LOXL1: variants seen among roughly 807,000 people sequenced by gnomAD.
LOXL1 encodes lysyl oxidase like 1.
Under a neutral mutation model 62.2 loss-of-function variants are expected in LOXL1, and 31 were observed. The ratio of observed to expected loss-of-function variants is 0.50; its 90% CI spans 0.37 to 0.67. The LOEUF (loss-of-function observed/expected upper bound fraction) is 0.67. LOXL1 is among the 30% of genes least tolerant of loss of function. The pLI, the probability that LOXL1 is intolerant of heterozygous loss-of-function variation, is 0.00. For missense variants in LOXL1, 775 were observed against 843.4 expected, an observed-to-expected ratio of 0.92 and a Z score of 1.00; for synonymous variants, 403 against 384.4, an observed-to-expected ratio of 1.05 and a Z score of -0.56.
At chr15:73,951,765 T>C in intron 6 of LOXL1, 66 bp from the exon 7 acceptor site, 1 of 1,438,422 alleles carries the variant, frequency 7.0e-7, no homozygotes, top group Non-Finnish European at 9.3e-7. Context: ...AGGGACGCCC[T>C]GGCTGAGGAG....
In LOXL1 at chr15:73,932,097, A is replaced by G. The variant is rs552595664; in HGVS notation, c.1102+4212A>G. On this transcript the variant is annotated intron_variant, in intron 1 of 6. Transcript: ENST00000261921. ...TCTCTGCATCACAGTGAGATGACCC[A>G]GGAGGATATCATGTTCAGCCTGCGG... is the stretch of plus-strand genomic sequence containing the variant. Among the ~76,000 whole-genome samples, 20 of 152,338 alleles carry G rather than the reference A, an allele frequency of 1.3e-4. No individual in the cohort carries two copies. In the East Asian group the frequency reaches 2.9e-3, roughly 22 times the overall value.
rs1234146576 is a variant in LOXL1 at position 73,927,498 on chromosome 15, G to A, written c.715G>A (p.Gly239Ser). The A allele has an allele frequency of 1.4e-6, 2 of 1,470,062 alleles. No homozygotes were observed. Among genetic ancestry groups the A allele is most frequent in the Admixed American group, 2.4e-5 (1 of 41,358 alleles). The allele number at this position is 1,470,062 out of a possible 1,614,324, so 91.1% of individuals were successfully genotyped here. A position where few individuals can be genotyped will look rare whatever the true frequency, so the allele number is the denominator to read the frequency against. ...CCGGGCGCGCTACGAGGAGTACGGC[G>A]GCGGCGAAGAGCTGCCCGAGTACCC... ...QPRARYEEYG[G>S]GEELPEYPPQ... The change falls in exon 1 of 7, where the codon GGC becomes AGC. Residue 239 changes from glycine to serine, a missense_variant. Transcript: ENST00000261921.
rs921053371 is a variant in LOXL1, at chr15:73,927,662, C to G, written c.879C>G (p.Pro293=). Residue 293 remains proline (P), a synonymous_variant, in exon 1 of 7, where the codon CCC becomes CCG. Coordinates refer to ENST00000261921, the MANE Select transcript of LOXL1 (RefSeq NM_005576.4). Reference sequence around the variant, plus strand: ...GCTTCGAGCAGGCCTACCCTGACCCCGGTCCCGAGGCGGCGCAGGCCCATG... The same window carrying G: ...GCTTCGAGCAGGCCTACCCTGACCCGGGTCCCGAGGCGGCGCAGGCCCATG... ...TPGFEQAYPD[P]GPEAAQAHGG... 1 of 1,487,348 alleles carries G rather than the reference C, an allele frequency of 6.7e-7. No individual in the cohort carries two copies. The highest frequency in any genetic ancestry group is 1.3e-5 in the South Asian group (1 of 79,046). The allele number at this position is 1,487,348 out of a possible 1,614,324, so 92.1% of individuals were successfully genotyped here.
chr15:73,940,146 C>CACT (rs2068703791), intron 1 of LOXL1, among the ~76,000 whole-genome samples: 1 of 146,294 alleles, frequency 6.8e-6, no homozygotes. Flanking sequence ...TAGATCAATA[C>CACT]AGATGGGGTG....
chr15:73,941,591 C>T (rs2068713912), intron 1 of LOXL1, among the ~76,000 whole-genome samples: 1 of 152,212 alleles, frequency 6.6e-6, no homozygotes, highest in African/African-American at 2.4e-5. Context: ...GAGCAGAGGA[C>T]TTCAAAGAAA....
chr15:73,941,899 GC>G, intron 1 of LOXL1: 1 of 211,632 alleles, frequency 4.7e-6, no homozygotes, highest in Non-Finnish European at 1.1e-5. Flanking sequence ...ACTCCTGCAT[GC>G]CCAGGGAGGA....
chr15:73,946,398 T>TCCCCCC lies in LOXL1; in HGVS notation c.1212-14_1212-13insCCCCCC. The TCCCCCC allele has an allele frequency of 7.3e-7, 1 of 1,360,914 alleles. No individual in the cohort carries two copies. The highest frequency in any genetic ancestry group is 1.7e-5 in the Admixed American group (1 of 57,176). 84.3% of individuals were successfully genotyped at this position (1,360,914 alleles called of 1,614,324 possible). On this transcript the variant is annotated intron_variant, in intron 2 of 6. Transcript: ENST00000261921. ...CACTGTGCCCCAACCCCCCCTCATC[T>TCCCCCC]CCCCCGCCGTCCCTGCAGCACAGCC...
chr15:73,942,821 C>G (rs1469022655), intron 1 of LOXL1, 33 bp from the exon 2 acceptor site: 1 of 1,328,460 alleles, frequency 7.5e-7, no homozygotes, highest in Non-Finnish European at 1.1e-6. Flanking sequence ...TGCTCTTCCT[C>G]CCTCCCCCCT....
chr15:73,941,165 C>G (rs758330453), intron 1 of LOXL1, among the ~76,000 whole-genome samples: 20 of 152,170 alleles, frequency 1.3e-4, no homozygotes, highest in Non-Finnish European at 2.4e-4. Context: ...GCCTATGGGT[C>G]CCTTGGGAAA....
rs768188092 is a variant in LOXL1, at chr15:73,949,547, T to C, written c.1691T>C (p.Val564Ala). 1 of 1,613,946 alleles carries C rather than the reference T, an allele frequency of 6.2e-7. No individual in the cohort carries two copies. The highest frequency in any genetic ancestry group is 8.5e-7 in the Non-Finnish European group (1 of 1,179,812). ...AACATTCACTACACAGGTCGCTACG[T>C]TTCTGCAACAAACTGCAAAATTGTC... is the stretch of plus-strand genomic sequence containing the variant. ...RCNIHYTGRY[V>A]SATNCKIVQS The change falls in exon 6 of 7, where the codon GTT (valine) becomes GCT (alanine). Residue 564 changes from valine to alanine, a missense_variant. Val to Ala is a moderately conservative substitution (Grantham distance 64). Transcript: ENST00000261921.
chr15:73,947,229 G>C lies in LOXL1; in HGVS notation c.1506+6G>C. The stretch of plus-strand genomic sequence containing the variant: ...CATGCACCTCTCATACCCAGGTTGG[G>C]CTGGAGAGATGGGGTTTGGGGCATG... On this transcript the variant is annotated splice_donor_region_variant and intron_variant, in intron 4 of 6. Transcript: ENST00000261921. 1 of 1,591,852 alleles carries C rather than the reference G, an allele frequency of 6.3e-7. No homozygotes were observed. The highest frequency in any genetic ancestry group is 2.3e-5 in the East Asian group (1 of 44,222).
Position 73,927,358 on chromosome 15 carries a change from AC to A in LOXL1, c.579del (p.Ala194ArgfsTer233), listed in dbSNP as rs1285282001. The part of the protein sequence containing the change: ...APFVSQYENY[D>X]PASRTYDQGF... ...TTCGTCAGCCAGTACGAGAACTACG[AC>A]CCCGCGTCGCGGACCTACGACCAGG... On this transcript the variant is annotated frameshift_variant, in exon 1 of 7. Coordinates refer to ENST00000261921, the MANE Select transcript of LOXL1 (RefSeq NM_005576.4). LOFTEE classifies it high-confidence loss of function. 1.9e-6 allele frequency: 3 copies of A among 1,587,416 alleles called. No homozygotes were observed. In the South Asian group the frequency reaches 3.4e-5, roughly 18 times the overall value.
intron 1 of LOXL1, among the ~76,000 whole-genome samples, chr15:73,940,103 A>T (rs1345770376): frequency 1.3e-5 from 2 of 152,204 alleles, no homozygotes; most frequent in African/African-American, 4.8e-5. Context: ...AGCGGAGGAG[A>T]CACACACAGG....
chr15:73,949,581 G>A lies in LOXL1; in HGVS notation c.1718+7G>A, dbSNP rs1230050894. On this transcript the variant is annotated splice_region_variant and intron_variant, in intron 6 of 6. Coordinates refer to ENST00000261921, the MANE Select transcript of LOXL1 (RefSeq NM_005576.4). ...CAAACTGCAAAATTGTCCAGTAAGA[G>A]TTTGCCCACCACCCTTCCTGGCTCC... is the stretch of plus-strand genomic sequence containing the variant. 1 of 1,594,638 alleles carries A rather than the reference G, an allele frequency of 6.3e-7. No individual in the cohort carries two copies. Among genetic ancestry groups the A allele is most frequent in the African/African-American group, 1.3e-5 (1 of 74,648 alleles).
chr15:73,938,335 G>T (rs1016431863), intron 1 of LOXL1, among the ~76,000 whole-genome samples: 1 of 131,314 alleles, frequency 7.6e-6, no homozygotes, highest in Admixed American at 7.9e-5. Context: ...AGATAGAACA[G>T]GAGGCCAGCT....
intron 1 of LOXL1, among the ~76,000 whole-genome samples, chr15:73,932,395 A>C (rs2068641036): frequency 6.6e-6 from 1 of 151,722 alleles, no homozygotes; most frequent in African/African-American, 2.4e-5. Flanking sequence ...CATGCATTTA[A>C]AAAAAAAATT....
At chr15:73,941,482 T>C (rs961269973) in intron 1 of LOXL1, among the ~76,000 whole-genome samples, 3 of 152,174 alleles carry the variant, frequency 2.0e-5, no homozygotes, top group African/African-American at 7.2e-5. Context: ...ACCTAAAAGC[T>C]GATGAGAGGG....
In LOXL1 at chr15:73,943,819, T is replaced by C. The variant is rs2068730913; in HGVS notation, c.1211+857T>C. ...TTGAACTCTCTGTTTAGTTTGACTT[T>C]TTACTATCTAGGAAACTCTTTAGAA... is the stretch of plus-strand genomic sequence containing the variant. On this transcript the variant is annotated intron_variant, in intron 2 of 6. Coordinates refer to ENST00000261921, the MANE Select transcript of LOXL1 (RefSeq NM_005576.4). 2.6e-5 allele frequency among the ~76,000 whole-genome samples: 4 copies of C among 152,222 alleles called. No individual in the cohort carries two copies. The South Asian group carries it at 6.2e-4, about 24-fold the overall frequency.
At chr15:73,944,928 C>T (rs563617361) in intron 2 of LOXL1, among the ~76,000 whole-genome samples, 4 of 152,296 alleles carry the variant, frequency 2.6e-5, no homozygotes, top group African/African-American at 4.8e-5. Flanking sequence ...CTAATCCCTA[C>T]GACTGGCCAC....
Sources: allele counts gnomAD v4.1 joint callset (sites outside exome capture counted in the v4.1 genomes callset), GRCh38; gene constraint gnomAD v4.1.1; transcripts MANE v1.5; gene names NCBI Gene and HGNC (gene_info 2026-07-23, HGNC 2026-07-21).